Variants in ASAP1 observed in about 807,000 individuals in gnomAD.
The protein encoded by ASAP1 is ArfGAP with SH3 domain, ankyrin repeat and PH domain 1, also known as arf-GAP with SH3 domain, ANK repeat and PH domain-containing protein 1.
A neutral mutation model predicts 145.2 loss-of-function variants in ASAP1; 43 were observed. That is an observed-to-expected ratio of 0.30 (90% confidence interval 0.23 to 0.38). The LOEUF (loss-of-function observed/expected upper bound fraction) is 0.38, where lower values mean the gene tolerates loss of function less well. Ranked by LOEUF, ASAP1 falls within the 10% of genes least tolerant of loss-of-function variation. ASAP1 has a pLI of 1.00. For synonymous variants in ASAP1, 546 were observed against 515.5 expected (o/e 1.06, Z -0.80); for missense variants, 1,018 against 1,355.3 (o/e 0.75, Z 3.91).
chr8:130,072,829 G>GTGTGCGTGCGCGCGCGCGCA, intron 27 of ASAP1, among the ~76,000 whole-genome samples: 3 of 102,398 alleles, frequency 2.9e-5, no homozygotes, highest in South Asian at 3.6e-4. Flanking sequence ...GTGTGTGCGC[G>GTGTGCGTGCGCGCGCGCGCA]CGGGGGGGGG....
chr8:130,386,381 C>T (rs1360192422), intron 2 of ASAP1, among the ~76,000 whole-genome samples: 1 of 152,194 alleles, frequency 6.6e-6, no homozygotes, highest in African/African-American at 2.4e-5. Context: ...ACGGAGGTAA[C>T]ACGTTCCATT....
At chr8:130,109,699 C>T (rs773025591) in intron 24 of ASAP1, among the ~76,000 whole-genome samples, 1 of 152,170 alleles carries the variant, frequency 6.6e-6, no homozygotes, top group Non-Finnish European at 1.5e-5. Context: ...TCTCTGCACA[C>T]AGAGTATCAG....
At chr8:130,361,668 A>T (rs776895385) in intron 2 of ASAP1, 3 of 1,525,334 alleles carry the variant, frequency 2.0e-6, no homozygotes, top group Admixed American at 2.0e-5. Context: ...ACCTCTACTC[A>T]CCATTTCTGG....
At chr8:130,158,765 A>G (rs928379885) in intron 12 of ASAP1, among the ~76,000 whole-genome samples, 3 of 150,058 alleles carry the variant, frequency 2.0e-5, no homozygotes, top group Admixed American at 6.7e-5. Context: ...TTTGTCTCGC[A>G]CTGTTGCCCA....
chr8:130,113,537 C>T (rs938937867), intron 23 of ASAP1, among the ~76,000 whole-genome samples: 2 of 152,112 alleles, frequency 1.3e-5, no homozygotes, highest in African/African-American at 4.8e-5. Flanking sequence ...GCTTGAGGAC[C>T]TCTTTGGCCA....
intron 23 of ASAP1, among the ~76,000 whole-genome samples, chr8:130,113,749 T>A (rs2097550277): frequency 6.6e-6 from 1 of 151,944 alleles, no homozygotes; most frequent in Non-Finnish European, 1.5e-5. Flanking sequence ...TTCTGTAAAA[T>A]GGGGATAACA....
intron 1 of ASAP1, among the ~76,000 whole-genome samples, chr8:130,440,039 G>C (rs1163951988): frequency 1.3e-5 from 2 of 152,124 alleles, no homozygotes; most frequent in African/African-American, 4.8e-5. Flanking sequence ...AGTCACCCTT[G>C]AGTCCTTTCC....
intron 2 of ASAP1, among the ~76,000 whole-genome samples, chr8:130,367,661 C>T (rs1210975439): frequency 6.6e-6 from 1 of 152,170 alleles, no homozygotes; most frequent in African/African-American, 2.4e-5. Context: ...CAATGGCATC[C>T]TATAGCTCAA....
chr8:130,194,808 C>T (rs563335939), intron 5 of ASAP1, among the ~76,000 whole-genome samples: 1 of 152,124 alleles, frequency 6.6e-6, no homozygotes, highest in Admixed American at 6.5e-5. Context: ...GCTTGCTCAC[C>T]CACCGCTCAC....
intron 13 of ASAP1, among the ~76,000 whole-genome samples, chr8:130,150,759 A>G (rs1565020452): frequency 6.6e-6 from 1 of 152,182 alleles, no homozygotes. Flanking sequence ...GTGTGCCTGC[A>G]TTCCCAGCTA....
chr8:130,146,067 G>A (rs1408665282), intron 13 of ASAP1, among the ~76,000 whole-genome samples: 3 of 149,746 alleles, frequency 2.0e-5, no homozygotes, highest in African/African-American at 7.4e-5. Flanking sequence ...GCCCAGGCTG[G>A]TCTCCAAGTC....
At chr8:130,290,677 C>G (rs1821890737) in intron 3 of ASAP1, among the ~76,000 whole-genome samples, 1 of 152,216 alleles carries the variant, frequency 6.6e-6, no homozygotes, top group Non-Finnish European at 1.5e-5. Context: ...TGCCAAACCA[C>G]CTCTACCAAT....
chr8:130,072,793 A>ATATGTGTGTGTG (rs2097450143), intron 27 of ASAP1, among the ~76,000 whole-genome samples: 1 of 102,606 alleles, frequency 9.7e-6, no homozygotes, highest in Non-Finnish European at 2.1e-5. Flanking sequence ...TGCAATTGAT[A>ATATGTGTGTGTG]TGTGTGTGTG....
chr8:130,382,899 G>A (rs1827847055), intron 2 of ASAP1, among the ~76,000 whole-genome samples: 1 of 152,064 alleles, frequency 6.6e-6, no homozygotes, highest in African/African-American at 2.4e-5. Context: ...CGGGAGGGGA[G>A]GGGTAAAGCT....
chr8:130,309,021 T>C (rs1823164993), intron 3 of ASAP1, among the ~76,000 whole-genome samples: 1 of 152,166 alleles, frequency 6.6e-6, no homozygotes, highest in Admixed American at 6.5e-5. Flanking sequence ...ACACCACAAA[T>C]GACTTACACG....
At chr8:130,149,186 G>A (rs2097640426) in intron 13 of ASAP1, among the ~76,000 whole-genome samples, 1 of 149,038 alleles carries the variant, frequency 6.7e-6, no homozygotes, top group Non-Finnish European at 1.5e-5. Flanking sequence ...CCAAAGATTT[G>A]TTGGAACTGG....
chr8:130,411,967 G>A (rs1047263412), intron 1 of ASAP1, among the ~76,000 whole-genome samples: 2 of 152,158 alleles, frequency 1.3e-5, no homozygotes, highest in Non-Finnish European at 2.9e-5. Context: ...GGGTCTGCAT[G>A]GAAAGGAGTT....
intron 3 of ASAP1, among the ~76,000 whole-genome samples, chr8:130,286,658 A>C (rs141932747): frequency 6.6e-6 from 1 of 152,332 alleles, no homozygotes; most frequent in African/African-American, 2.4e-5. Flanking sequence ...GTGCACAGGA[A>C]GTACCCAATA....
At chr8:130,109,118 G>T (rs1280655012) in intron 24 of ASAP1, among the ~76,000 whole-genome samples, 1 of 152,128 alleles carries the variant, frequency 6.6e-6, no homozygotes, top group Non-Finnish European at 1.5e-5. Flanking sequence ...TGGGGTGGGG[G>T]CAGGGGGAAG....
Sources: allele counts gnomAD v4.1 joint callset (sites outside exome capture counted in the v4.1 genomes callset), GRCh38; gene constraint gnomAD v4.1.1; transcripts MANE v1.5; gene names NCBI Gene and HGNC (gene_info 2026-07-23, HGNC 2026-07-21).